PPP1R15B: variants seen among roughly 807,000 people sequenced by gnomAD.
PPP1R15B encodes the protein protein phosphatase 1 regulatory subunit 15B.
PPP1R15B carries 31 observed loss-of-function variants against 53.9 expected under a neutral mutation model. The ratio of observed to expected loss-of-function variants is 0.58; its 90% CI spans 0.43 to 0.78. PPP1R15B has a LOEUF of 0.78. Among genes scored for constraint, PPP1R15B ranks in the 30% least tolerant of loss-of-function variants. PPP1R15B has a pLI of 0.00. For synonymous variants in PPP1R15B, 345 were observed against 329.1 expected (o/e 1.05, Z -0.52); for missense variants, 928 against 849.6 (o/e 1.09, Z -1.15).
chr1:204,396,125 C>G (rs959341415), downstream of PPP1R15B, among the ~76,000 whole-genome samples: 2 of 152,024 alleles, frequency 1.3e-5, no homozygotes, highest in African/African-American at 2.4e-5. Context: ...ATCTCAAAAG[C>G]ATTACAGTAA....
In PPP1R15B at chr1:204,404,266, G is replaced by A. The variant is rs996014680; in HGVS notation, c.*1826C>T. On this transcript the variant is annotated 3_prime_UTR_variant, in exon 2 of 2. Coordinates refer to ENST00000367188, the MANE Select transcript of PPP1R15B (RefSeq NM_032833.5). ...TGAGAGGCCGAGGCGGGCGGATCAC[G>A]AGGTCAGCAGTTCAAGACCAGTCTG... is the stretch of plus-strand genomic sequence containing the variant. The A allele has an allele frequency of 2.3e-4, 220 of 954,312 alleles. No homozygotes were observed. The highest frequency in any genetic ancestry group is 2.6e-4 in the Non-Finnish European group (208 of 801,828). 59.1% of individuals were successfully genotyped at this position (954,312 alleles called of 1,614,324 possible).
intron 1 of PPP1R15B, among the ~76,000 whole-genome samples, chr1:204,407,881 G>A (rs1674294769): frequency 6.6e-6 from 1 of 152,138 alleles, no homozygotes; most frequent in Non-Finnish European, 1.5e-5. Flanking sequence ...ATGGCAGGTA[G>A]TCAAAGGCTG....
rs766910613 is a variant in PPP1R15B, at chr1:204,404,329, C to G, written c.*1763G>C. Reference sequence around the variant, plus strand: ...AAACCCCGTCTCTACTAAAAAGACACAAAAAATTAGCCGGGCGTGGTGGTG... The same window carrying G: ...AAACCCCGTCTCTACTAAAAAGACAGAAAAAATTAGCCGGGCGTGGTGGTG... On this transcript the variant is annotated 3_prime_UTR_variant, in exon 2 of 2. Coordinates refer to ENST00000367188, the MANE Select transcript of PPP1R15B (RefSeq NM_032833.5). 2.3e-5 allele frequency: 15 copies of G among 644,910 alleles called. No individual in the cohort carries two copies. The Admixed American group carries it at 7.6e-4, about 33-fold the overall frequency. The allele number at this position is 644,910 out of a possible 1,614,324, so 39.9% of individuals were successfully genotyped here.
chr1:204,407,544 C>T (rs1674286757), intron 1 of PPP1R15B, among the ~76,000 whole-genome samples: 1 of 152,176 alleles, frequency 6.6e-6, no homozygotes, highest in South Asian at 2.1e-4. Flanking sequence ...CTTTCGTTCC[C>T]TTTACATCAA....
Position 204,410,605 on chromosome 1 carries a change from C to T in PPP1R15B, c.807G>A (p.Pro269=), listed in dbSNP as rs1674351853. The T allele has an allele frequency of 1.9e-6, 3 of 1,613,884 alleles. No homozygotes were observed. The highest frequency in any genetic ancestry group is 2.2e-5 in the East Asian group (1 of 44,894). ...AGGCCGGAATGAGTTCTGCACTCAG[C>T]GGCTGGGGATGACAATGGTCCTCTC... The part of the protein sequence containing the change: ...CLREDHCHPQ[P]LSAELIPASW... The change falls in exon 1 of 2, where the codon CCG becomes CCA. Residue 269 remains proline (P), a synonymous_variant. Transcript: ENST00000367188.
intron 1 of PPP1R15B, among the ~76,000 whole-genome samples, chr1:204,409,272 C>T (rs749914345): frequency 1.8e-4 from 27 of 152,148 alleles, no homozygotes; most frequent in Admixed American, 6.5e-4. Context: ...AACATCTACA[C>T]ACTGGTATGT....
chr1:204,397,416 C>T (rs974981792), downstream of PPP1R15B, among the ~76,000 whole-genome samples: 18 of 151,852 alleles, frequency 1.2e-4, no homozygotes, highest in Non-Finnish European at 1.8e-4. Flanking sequence ...GTCCCAGCTA[C>T]TTGGGAGGCT....
chr1:204,406,261 C>A lies in PPP1R15B; in HGVS notation c.1973G>T (p.Arg658Leu), dbSNP rs759466766. ...TGCAAATTCTTCCCATGGTCCTTTG[C>A]GATCCTCATCACCACTTATATAATA... ...TEYYISGDED[R>L]KGPWEEFARD... Residue 658 changes from arginine (R) to leucine (L), a missense_variant, in exon 2 of 2, where the codon CGC becomes CTC. Coordinates refer to ENST00000367188, the MANE Select transcript of PPP1R15B (RefSeq NM_032833.5). 8 of 1,613,928 alleles carry A rather than the reference C, an allele frequency of 5.0e-6. No homozygotes were observed. Among genetic ancestry groups the A allele is most frequent in the Non-Finnish European group, 6.8e-6 (8 of 1,179,976 alleles).
downstream of PPP1R15B, among the ~76,000 whole-genome samples, chr1:204,397,740 GA>G (rs1229996795): frequency 1.3e-5 from 2 of 152,080 alleles, no homozygotes; most frequent in African/African-American, 4.8e-5. Context: ...TAGAAAACTG[GA>G]TATGAATGGT....
chr1:204,410,820 G>A lies in PPP1R15B; in HGVS notation c.592C>T (p.Arg198Trp), dbSNP rs1413781445. Residue 198 changes from arginine (R) to tryptophan (W), a missense_variant, in exon 1 of 2, where the codon CGG becomes TGG. Transcript: ENST00000367188. ...CCAGAGGGCGAAGAGCCAAGTTCCC[G>A]GTTAGAGTACAGACGGGATTGAAGG... is the stretch of plus-strand genomic sequence containing the variant. ...SSLQSRLYSN[R>W]ELGSSPSGPL... The A allele has an allele frequency of 6.2e-7, 1 of 1,614,088 alleles. No homozygotes were observed. Among genetic ancestry groups the A allele is most frequent in the African/African-American group, 1.3e-5 (1 of 74,932 alleles).
chr1:204,406,991 TATTTTTTA>T (rs1674277539), intron 1 of PPP1R15B, among the ~76,000 whole-genome samples: 1 of 152,168 alleles, frequency 6.6e-6, no homozygotes, highest in Non-Finnish European at 1.5e-5. Flanking sequence ...TAACCCCTGC[TATTTTTTA>T]ATCCTTAGGG....
chr1:204,409,559 T>C lies in PPP1R15B; in HGVS notation c.1853A>G (p.Glu618Gly). The change falls in exon 1 of 2, where the codon GAA becomes GGA. Residue 618 changes from glutamate (E) to glycine (G), a missense_variant. Coordinates refer to ENST00000367188, the MANE Select transcript of PPP1R15B (RefSeq NM_032833.5). ...KVQLLGSQES[E>G]CPDSVQRDVL... ...GTCACGCTGTACCGAGTCTGGACAT[T>C]CACTTTCTTGGCTCCCCAACAGCTG... is the stretch of plus-strand genomic sequence containing the variant. 1 of 1,614,176 alleles carries C rather than the reference T, an allele frequency of 6.2e-7. No homozygotes were observed. Among genetic ancestry groups the C allele is most frequent in the Non-Finnish European group, 8.5e-7 (1 of 1,180,032 alleles).
In PPP1R15B at chr1:204,405,384, G is replaced by A; in HGVS notation, c.*708C>T. The A allele has an allele frequency of 1.0e-6, 1 of 985,142 alleles. No homozygotes were observed. Among genetic ancestry groups the A allele is most frequent in the Non-Finnish European group, 1.2e-6 (1 of 829,696 alleles). The allele number at this position is 985,142 out of a possible 1,614,324, so 61.0% of individuals were successfully genotyped here. ...AATTAAATATATTAGATGTTAAAAT[G>A]TGGTAGAAAGATGCAGCTTTCCCAA... On this transcript the variant is annotated 3_prime_UTR_variant, in exon 2 of 2. Transcript: ENST00000367188.
At position 204,410,915 on chromosome 1, in the gene PPP1R15B, G is replaced by C; in HGVS notation, c.497C>G (p.Ala166Gly). 6.2e-7 allele frequency: 1 copy of C among 1,614,054 alleles called. No individual in the cohort carries two copies. The highest frequency in any genetic ancestry group is 8.5e-7 in the Non-Finnish European group (1 of 1,179,988). The change falls in exon 1 of 2, where the codon GCT (alanine) becomes GGT (glycine). Residue 166 changes from alanine (A) to glycine (G), a missense_variant. Coordinates refer to ENST00000367188, the MANE Select transcript of PPP1R15B (RefSeq NM_032833.5). The stretch of plus-strand genomic sequence containing the variant: ...AAAAGCCTGTGCTGCAGGGTCCAAA[G>C]CACTTCCCTTGGCCTTAAGCTCCAA... ...LKLELKAKGS[A>G]LDPAAQAFLL... is the part of the protein sequence containing the mutation.
chr1:204,400,450 C>T (rs985260836), downstream of PPP1R15B, among the ~76,000 whole-genome samples: 2 of 151,508 alleles, frequency 1.3e-5, no homozygotes, highest in African/African-American at 2.4e-5. Context: ...GGTGGGACTA[C>T]AGGCATGCAC....
Position 204,404,884 on chromosome 1 carries a change from C to A in PPP1R15B, c.*1208G>T. Reference sequence around the variant, plus strand: ...AACAGTCAATGCAAAGACTTCAATTCAAAGTAACCTTTGGGCTAAATATAT... The same window carrying A: ...AACAGTCAATGCAAAGACTTCAATTAAAAGTAACCTTTGGGCTAAATATAT... On this transcript the variant is annotated 3_prime_UTR_variant, in exon 2 of 2. Coordinates refer to ENST00000367188, the MANE Select transcript of PPP1R15B (RefSeq NM_032833.5). The A allele has an allele frequency of 1.0e-6, 1 of 985,778 alleles. No homozygotes were observed. Among genetic ancestry groups the A allele is most frequent in the Non-Finnish European group, 1.2e-6 (1 of 829,876 alleles). 61.1% of individuals were successfully genotyped at this position (985,778 alleles called of 1,614,324 possible).
At chr1:204,408,616 T>C (rs548188399) in intron 1 of PPP1R15B, among the ~76,000 whole-genome samples, 87 of 152,302 alleles carry the variant, frequency 5.7e-4, no homozygotes, top group Admixed American at 2.2e-3. Flanking sequence ...TCTACAATAA[T>C]AGACACCTTT....
chr1:204,397,698 A>T (rs996505767), downstream of PPP1R15B, among the ~76,000 whole-genome samples: 1 of 152,336 alleles, frequency 6.6e-6, no homozygotes, highest in South Asian at 2.1e-4. Flanking sequence ...TAAAAAACAG[A>T]AAAGTTTAAA....
chr1:204,400,757 A>G (rs1674167435), downstream of PPP1R15B: 11 of 978,662 alleles, frequency 1.1e-5, no homozygotes, highest in South Asian at 4.7e-5. Context: ...TTCTTTTGCT[A>G]TTAAGTTCTT....
Sources: gnomAD v4.1 joint callset for allele counts (sites outside exome capture counted in the v4.1 genomes callset) on GRCh38, gnomAD v4.1.1 for gene constraint, MANE v1.5 for transcripts, NCBI Gene and HGNC (gene_info 2026-07-23, HGNC 2026-07-21) for gene names.